BRIP1: variants seen among roughly 807,000 people sequenced by gnomAD.
BRIP1 encodes the protein BRCA1 interacting DNA helicase 1, also known as Fanconi anemia group J protein.
Under a neutral mutation model 119.7 loss-of-function variants are expected in BRIP1, and 88 were observed. The ratio of observed to expected loss-of-function variants is 0.74; its 90% CI spans 0.62 to 0.88. The LOEUF (loss-of-function observed/expected upper bound fraction) is 0.88, where lower values mean the gene tolerates loss of function less well. Ranked by LOEUF, BRIP1 falls within the 40% of genes least tolerant of loss-of-function variation. The probability of loss-of-function intolerance (pLI) is 0.00; values close to 1 mark genes in which losing one functional copy is unlikely to be tolerated. For missense variants in BRIP1, 1,259 were observed against 1,455.4 expected, an observed-to-expected ratio of 0.87 and a Z score of 2.20; for synonymous variants, 443 against 496.5, an observed-to-expected ratio of 0.89 and a Z score of 1.43.
chr17:61,816,126 C>T lies in BRIP1; in HGVS notation c.628-7369G>A, dbSNP rs2078233166. On this transcript the variant is annotated intron_variant, in intron 6 of 19. Coordinates refer to ENST00000259008, the MANE Select transcript of BRIP1 (RefSeq NM_032043.3). The surrounding 1 kb of genome is among the most constrained non-coding windows in gnomAD (Gnocchi z 5.0). Reference sequence around the variant, plus strand: ...GGTGAACCTGATTCAATATTTATCACAGGCTTTCATAGATCACTGCTAACC... The same window carrying T: ...GGTGAACCTGATTCAATATTTATCATAGGCTTTCATAGATCACTGCTAACC... Among the ~76,000 whole-genome samples the T allele has an allele frequency of 6.6e-6, 1 of 152,204 alleles. No individual in the cohort carries two copies. The highest frequency in any genetic ancestry group is 1.5e-5 in the Non-Finnish European group (1 of 68,032).
intron 19 of BRIP1, chr17:61,685,623 G>C: frequency 1.8e-6 from 1 of 568,064 alleles, no homozygotes; most frequent in African/African-American, 1.9e-5. Flanking sequence ...AAGTGGCAAA[G>C]CCAGTTAGTG....
Position 61,752,138 on chromosome 17 carries a change from T to G in BRIP1, c.2098-7547A>C. On this transcript the variant is annotated intron_variant, in intron 14 of 19. Transcript: ENST00000259008. The surrounding 1 kb of genome is among the most constrained non-coding windows in gnomAD (Gnocchi z 6.2). The stretch of plus-strand genomic sequence containing the variant: ...GGTGATGGATACTCAGATCTCCATT[T>G]TATTATTATTTAAAATGTACATATT... Among the ~76,000 whole-genome samples the G allele has an allele frequency of 6.6e-6, 1 of 152,150 alleles. No individual in the cohort carries two copies. The highest frequency in any genetic ancestry group is 1.5e-5 in the Non-Finnish European group (1 of 68,028).
chr17:61,790,552 A>AT (rs2077799967), intron 10 of BRIP1, among the ~76,000 whole-genome samples: 1 of 151,712 alleles, frequency 6.6e-6, no homozygotes, highest in South Asian at 2.1e-4. Context: ...ATCTCAAAAA[A>AT]ATATATATAT....
At position 61,735,600 on chromosome 17, in the gene BRIP1, G is replaced by A. The variant is rs978097264; in HGVS notation, c.2379+7413C>T. On this transcript the variant is annotated intron_variant, in intron 16 of 19. Coordinates refer to ENST00000259008, the MANE Select transcript of BRIP1 (RefSeq NM_032043.3). This position sits in a 1 kb window ranked among gnomAD's most constrained non-coding sequence, Gnocchi z 4.4. The stretch of plus-strand genomic sequence containing the variant: ...GCTCAGGAGTTCGAGACCAGCCTGG[G>A]CAACATAGCAAGATCCTGCCTCTAC... 2.0e-5 allele frequency among the ~76,000 whole-genome samples: 3 copies of A among 150,260 alleles called. No individual in the cohort carries two copies. The highest frequency in any genetic ancestry group is 7.4e-5 in the African/African-American group (3 of 40,644).
At chr17:61,688,787 C>A (rs1483536000) in intron 18 of BRIP1, among the ~76,000 whole-genome samples, 1 of 146,400 alleles carries the variant, frequency 6.8e-6, no homozygotes, top group Non-Finnish European at 1.5e-5. Flanking sequence ...AATTACCTGG[C>A]AAGGAATTTA....
In BRIP1 at chr17:61,780,064, T is replaced by A. The variant is rs2077590549; in HGVS notation, c.1935+197A>T. 1.3e-5 allele frequency among the ~76,000 whole-genome samples: 2 copies of A among 152,216 alleles called. No homozygotes were observed. The highest frequency in any genetic ancestry group is 4.1e-4 in the South Asian group (2 of 4,828). On this transcript the variant is annotated intron_variant, in intron 13 of 19. Coordinates refer to ENST00000259008, the MANE Select transcript of BRIP1 (RefSeq NM_032043.3). This position sits in a 1 kb window ranked among gnomAD's most constrained non-coding sequence, Gnocchi z 5.4. ...AGAAGCTGAAATACAGCCTTTTGCA[T>A]CCCAAGTGACTGGATTATTTCCTTC... is the stretch of plus-strand genomic sequence containing the variant.
intron 10 of BRIP1, among the ~76,000 whole-genome samples, chr17:61,788,341 G>A (rs1040460638): frequency 1.3e-5 from 2 of 151,948 alleles, no homozygotes; most frequent in East Asian, 1.9e-4. Flanking sequence ...AAAAAATAAT[G>A]AAGAACTATA....
rs1389979022 is a variant in BRIP1 at position 61,722,997 on chromosome 17, T to G, written c.2380-6934A>C. Among the ~76,000 whole-genome samples the G allele has an allele frequency of 6.6e-6, 1 of 152,124 alleles. No homozygotes were observed. The highest frequency in any genetic ancestry group is 1.5e-5 in the Non-Finnish European group (1 of 68,026). On this transcript the variant is annotated intron_variant, in intron 16 of 19. Transcript: ENST00000259008. The surrounding 1 kb of genome is among the most constrained non-coding windows in gnomAD (Gnocchi z 4.6). ...AATGAACTGTATATAAAGGTTAACT[T>G]TGAAATAGTTCTTATTACATAAACA...
chr17:61,810,481 C>G lies in BRIP1; in HGVS notation c.628-1724G>C, dbSNP rs2078145600. On this transcript the variant is annotated intron_variant, in intron 6 of 19. Coordinates refer to ENST00000259008, the MANE Select transcript of BRIP1 (RefSeq NM_032043.3). The surrounding 1 kb of genome is among the most constrained non-coding windows in gnomAD (Gnocchi z 4.7). Reference sequence around the variant, plus strand: ...GAATTAATTTACTTTTTCATACCATCAATTTTTTCCCTCAATTATACTATT... The same window carrying G: ...GAATTAATTTACTTTTTCATACCATGAATTTTTTCCCTCAATTATACTATT... Among the ~76,000 whole-genome samples, 2 of 152,086 alleles carry G rather than the reference C, an allele frequency of 1.3e-5. No individual in the cohort carries two copies. The highest frequency in any genetic ancestry group is 1.5e-5 in the Non-Finnish European group (1 of 68,004).
At position 61,701,081 on chromosome 17, in the gene BRIP1, T is replaced by G. The variant is rs1277977454; in HGVS notation, c.2493-7569A>C. 6.6e-6 allele frequency among the ~76,000 whole-genome samples: 1 copy of G among 152,190 alleles called. No homozygotes were observed. Among genetic ancestry groups the G allele is most frequent in the Non-Finnish European group, 1.5e-5 (1 of 68,028 alleles). On this transcript the variant is annotated intron_variant, in intron 17 of 19. Coordinates refer to ENST00000259008, the MANE Select transcript of BRIP1 (RefSeq NM_032043.3). The surrounding 1 kb of genome is among the most constrained non-coding windows in gnomAD (Gnocchi z 5.1). ...TCTCACAGTTTTTGACACAGTTTGC[T>G]TAGTTATTGAATGTATTTGAACTAG...
chr17:61,806,377 G>C lies in BRIP1; in HGVS notation c.918+2090C>G, dbSNP rs925772799. On this transcript the variant is annotated intron_variant, in intron 7 of 19. Transcript: ENST00000259008. This position sits in a 1 kb window ranked among gnomAD's most constrained non-coding sequence, Gnocchi z 4.9. ...AGAAAGAGGATGTTCATGTATGCCC[G>C]TGAGGTAAGCATTCTGAGGCAGAAT... 6.6e-6 allele frequency among the ~76,000 whole-genome samples: 1 copy of C among 152,142 alleles called. No individual in the cohort carries two copies. Among genetic ancestry groups the C allele is most frequent in the Non-Finnish European group, 1.5e-5 (1 of 68,022 alleles).
chr17:61,850,492 CAG>C (rs1453361386), intron 4 of BRIP1, among the ~76,000 whole-genome samples: 1 of 152,138 alleles, frequency 6.6e-6, no homozygotes, highest in Non-Finnish European at 1.5e-5. Flanking sequence ...GGATTTACAG[CAG>C]AGAAAGACCT....
rs1040731188 is a variant in BRIP1, at chr17:61,756,773, T to C, written c.2098-12182A>G. Among the ~76,000 whole-genome samples, 1 of 152,222 alleles carries C rather than the reference T, an allele frequency of 6.6e-6. No homozygotes were observed. The highest frequency in any genetic ancestry group is 1.5e-5 in the Non-Finnish European group (1 of 68,026). ...AACTCAAAGCCTCTTTTTGAAACTT[T>C]AGAAAGTGCAAATTGCATTAAGACC... On this transcript the variant is annotated intron_variant, in intron 14 of 19. Transcript: ENST00000259008. This position sits in a 1 kb window ranked among gnomAD's most constrained non-coding sequence, Gnocchi z 4.3.
At position 61,730,663 on chromosome 17, in the gene BRIP1, CA is replaced by C. The variant is rs1450408465; in HGVS notation, c.2379+12349del. On this transcript the variant is annotated intron_variant, in intron 16 of 19. Transcript: ENST00000259008. The surrounding 1 kb of genome is among the most constrained non-coding windows in gnomAD (Gnocchi z 4.3). ...CAAAAGTTTTTATTTATTAATTATC[CA>C]GAGAAACTTCCAGCAATATTTTCAG... is the stretch of plus-strand genomic sequence containing the variant. Among the ~76,000 whole-genome samples, 1 of 151,994 alleles carries C rather than the reference CA, an allele frequency of 6.6e-6. No homozygotes were observed. The highest frequency in any genetic ancestry group is 1.5e-5 in the Non-Finnish European group (1 of 67,976).
chr17:61,808,698 T>C lies in BRIP1; in HGVS notation c.687A>G (p.Ser229=). The C allele has an allele frequency of 6.2e-7, 1 of 1,613,982 alleles. No individual in the cohort carries two copies. The highest frequency in any genetic ancestry group is 8.5e-7 in the Non-Finnish European group (1 of 1,179,926). ...TATGATCCTTCTTAATGGTATTCGA[T>C]GACTCTTGACTGTTTCCTTGTTTAG... The part of the protein sequence containing the change: ...CSTKQGNSQE[S]SNTIKKDHTG... The change falls in exon 7 of 20, where the codon TCA becomes TCG. Residue 229 remains serine, a synonymous_variant. Coordinates refer to ENST00000259008, the MANE Select transcript of BRIP1 (RefSeq NM_032043.3). The surrounding 1 kb of genome is among the most constrained non-coding windows in gnomAD (Gnocchi z 4.1).
rs1051470263 is a variant in BRIP1, at chr17:61,713,287, A to C, written c.2492+2664T>G. Among the ~76,000 whole-genome samples, 2 of 151,988 alleles carry C rather than the reference A, an allele frequency of 1.3e-5. No homozygotes were observed. The highest frequency in any genetic ancestry group is 2.9e-5 in the Non-Finnish European group (2 of 68,012). ...ACTATACTGTACTTCTTATCACTACAGTGTACTCCTTTCACTTACATTAAA... is the reference window on the plus strand; with the variant it reads ...ACTATACTGTACTTCTTATCACTACCGTGTACTCCTTTCACTTACATTAAA... On this transcript the variant is annotated intron_variant, in intron 17 of 19. Transcript: ENST00000259008. This position sits in a 1 kb window ranked among gnomAD's most constrained non-coding sequence, Gnocchi z 4.9.
At chr17:61,685,656 G>T in intron 19 of BRIP1, 180 bp downstream of exon 19, 1 of 612,608 alleles carries the variant, frequency 1.6e-6, no homozygotes, top group Non-Finnish European at 2.8e-6. Context: ...ATATGCTCTG[G>T]TCTCCTGACA....
At chr17:61,784,506 A>C in intron 10 of BRIP1, 82 bp from the exon 11 acceptor site, 1 of 1,277,616 alleles carries the variant, frequency 7.8e-7, no homozygotes, top group Non-Finnish European at 1.1e-6. Flanking sequence ...AATGAAACCC[A>C]ACAAAACATG....
rs1285136043 is a variant in BRIP1, at chr17:61,759,361, AT to A, written c.2098-14771del. On this transcript the variant is annotated intron_variant, in intron 14 of 19. Transcript: ENST00000259008. The surrounding 1 kb of genome is among the most constrained non-coding windows in gnomAD (Gnocchi z 4.9). The stretch of plus-strand genomic sequence containing the variant: ...TTATTTAACAAAAAAAGGTCAATTC[AT>A]CAAGAGGATATAACAATTGTAAATA... Among the ~76,000 whole-genome samples the A allele has an allele frequency of 6.6e-6, 1 of 152,198 alleles. No individual in the cohort carries two copies. The highest frequency in any genetic ancestry group is 1.5e-5 in the Non-Finnish European group (1 of 68,016).
Sources: gnomAD v4.1 joint callset for allele counts (sites outside exome capture counted in the v4.1 genomes callset) on GRCh38, gnomAD v4.1.1 for gene constraint, Gnocchi (gnomAD v3.1) non-coding constraint, MANE v1.5 for transcripts, NCBI Gene and HGNC (gene_info 2026-07-23, HGNC 2026-07-21) for gene names.